SCRN1: variants seen among roughly 807,000 people sequenced by gnomAD.
SCRN1 encodes the protein secernin-1.
In SCRN1, 19 loss-of-function variants were observed where a neutral mutation model predicts 43.3. The ratio of observed to expected loss-of-function variants is 0.44; its 90% CI spans 0.31 to 0.64. The LOEUF (loss-of-function observed/expected upper bound fraction) is 0.64. SCRN1 is among the 30% of genes least tolerant of loss of function. The pLI, the probability that SCRN1 is intolerant of heterozygous loss-of-function variation, is 0.09. For synonymous variants in SCRN1, 183 were observed against 188.9 expected (o/e 0.97, Z 0.26); for missense variants, 447 against 524.1 (o/e 0.85, Z 1.44).
intron 3 of SCRN1, among the ~76,000 whole-genome samples, chr7:29,949,415 G>A (rs1362705002): frequency 4.8e-5 from 6 of 126,114 alleles, no homozygotes; most frequent in African/African-American, 1.8e-4. Context: ...ATCTCGTTCT[G>A]TGACCCAGGC....
At chr7:29,962,037 G>GT (rs759281239) in intron 2 of SCRN1, among the ~76,000 whole-genome samples, 41 of 151,822 alleles carry the variant, frequency 2.7e-4, no homozygotes, top group Non-Finnish European at 4.1e-4. Flanking sequence ...TTTTTCCATG[G>GT]TTTTTGCATG....
chr7:29,967,960 G>A (rs942209821), intron 2 of SCRN1, among the ~76,000 whole-genome samples: 4 of 151,942 alleles, frequency 2.6e-5, no homozygotes, highest in African/African-American at 7.3e-5. Flanking sequence ...AATGCAAAAC[G>A]GTACACCACC....
In SCRN1 at chr7:29,981,914, G is replaced by A. The variant is rs77564250; in HGVS notation, c.-2+7728C>T. On this transcript the variant is annotated intron_variant, in intron 1 of 7. Coordinates refer to ENST00000242059, the MANE Select transcript of SCRN1 (RefSeq NM_014766.5). ...ACATTCCATAGAAGGCTCAGATTGT[G>A]GGTAGGTATGGGAGTGAGGGTAGAA... Among the ~76,000 whole-genome samples, 6 of 152,298 alleles carry A rather than the reference G, an allele frequency of 3.9e-5. 1 individual carries two copies. The East Asian group carries it at 1.2e-3, about 29-fold the overall frequency.
At chr7:29,988,164 T>G (rs1227379294) in intron 1 of SCRN1, among the ~76,000 whole-genome samples, 1 of 152,180 alleles carries the variant, frequency 6.6e-6, no homozygotes. Flanking sequence ...AAGAACCTGG[T>G]ATTTGTTATG....
chr7:29,967,390 A>C (rs1219868106), intron 2 of SCRN1, among the ~76,000 whole-genome samples: 1 of 139,848 alleles, frequency 7.2e-6, no homozygotes, highest in Non-Finnish European at 1.6e-5. Flanking sequence ...ATTCATGTAT[A>C]CTTTTTTTTT....
upstream of SCRN1, chr7:29,990,212 C>A (rs1169995987): frequency 6.4e-7 from 1 of 1,551,656 alleles, no homozygotes; most frequent in South Asian, 1.2e-5. Flanking sequence ...AGTCGAGTCC[C>A]TGGTTTTAAA....
chr7:29,981,683 A>G (rs1788996217), intron 1 of SCRN1, among the ~76,000 whole-genome samples: 1 of 152,182 alleles, frequency 6.6e-6, no homozygotes. Flanking sequence ...GCCCCATACA[A>G]GATTGGGTGA....
chr7:29,938,107 C>G (rs922525654), intron 5 of SCRN1, among the ~76,000 whole-genome samples: 1 of 152,116 alleles, frequency 6.6e-6, no homozygotes, highest in African/African-American at 2.4e-5. Flanking sequence ...TGGCTCACTG[C>G]ATCCTCCGCC....
intron 3 of SCRN1, among the ~76,000 whole-genome samples, chr7:29,944,662 CAAAAAAAA>C (rs397729276): frequency 1.3e-5 from 1 of 77,784 alleles, no homozygotes; most frequent in Non-Finnish European, 2.5e-5. Context: ...GACCCTGTCT[CAAAAAAAA>C]AAAAAAAAAA....
chr7:29,922,880 G>T lies in SCRN1; in HGVS notation c.*1077C>A, dbSNP rs370234522. 23 of 152,352 alleles carry T rather than the reference G, an allele frequency of 1.5e-4. 1 individual carries two copies. The highest frequency in any genetic ancestry group is 5.5e-4 in the African/African-American group (23 of 41,574). The allele number at this position is 152,352 out of a possible 1,614,324, so 9.4% of individuals were successfully genotyped here. ...TCCTTGCATGCTTTTCTATGCTCTG[G>T]TGGTAAGTCAAATCCTTTAAGTGAA... On this transcript the variant is annotated 3_prime_UTR_variant, in exon 8 of 8. Coordinates refer to ENST00000242059, the MANE Select transcript of SCRN1 (RefSeq NM_014766.5).
intron 3 of SCRN1, among the ~76,000 whole-genome samples, chr7:29,954,976 C>G (rs1217934497): frequency 6.6e-6 from 1 of 152,182 alleles, no homozygotes; most frequent in Admixed American, 6.5e-5. Flanking sequence ...CCACCATGCC[C>G]AGCCACTTGA....
At chr7:29,972,952 A>T (rs1788709799) in intron 1 of SCRN1, among the ~76,000 whole-genome samples, 1 of 152,224 alleles carries the variant, frequency 6.6e-6, no homozygotes, top group African/African-American at 2.4e-5. Context: ...TAGAAACTCC[A>T]TTGGACGGGA....
intron 4 of SCRN1, among the ~76,000 whole-genome samples, chr7:29,943,705 T>C (rs1787632747): frequency 2.0e-5 from 3 of 152,192 alleles, no homozygotes; most frequent in East Asian, 1.9e-4. Context: ...GTTTAAGTCA[T>C]GGAATTCCTG....
At chr7:29,932,626 T>A (rs1316175798) in intron 6 of SCRN1, among the ~76,000 whole-genome samples, 1 of 113,544 alleles carries the variant, frequency 8.8e-6, no homozygotes, top group Non-Finnish European at 1.6e-5. Context: ...CACTCCAGCC[T>A]AGGTAACAGA....
chr7:29,923,970 T>C lies in SCRN1; in HGVS notation c.1232A>G (p.Lys411Arg). 6.2e-7 allele frequency: 1 copy of C among 1,612,128 alleles called. No homozygotes were observed. The highest frequency in any genetic ancestry group is 8.5e-7 in the Non-Finnish European group (1 of 1,179,334). ...LFYDCVDTEI[K>R]FFK The stretch of plus-strand genomic sequence containing the variant: ...GGAACGCTTACTTCACTTAAAGAAC[T>C]TAATCTCCGTGTCAACACAGTCATA... Residue 411 changes from lysine (K) to arginine (R), a missense_variant, in exon 8 of 8, where the codon AAG (lysine) becomes AGG (arginine). Lys to Arg is a conservative substitution (Grantham distance 26). Transcript: ENST00000242059.
Position 29,968,681 on chromosome 7 carries a change from T to C in SCRN1, c.159+228A>G, listed in dbSNP as rs554088187. ...TTTTAGATTTGATTTCAGAACTATG[T>C]ACATATTTCACTTAATTATAAAACA... On this transcript the variant is annotated intron_variant, in intron 2 of 7. Transcript: ENST00000242059. Among the ~76,000 whole-genome samples, 203 of 152,312 alleles carry C rather than the reference T, an allele frequency of 1.3e-3. 1 individual carries two copies. Among genetic ancestry groups the C allele is most frequent in the African/African-American group, 4.7e-3 (195 of 41,566 alleles).
At chr7:29,929,114 C>A (rs1245878593) in intron 6 of SCRN1, among the ~76,000 whole-genome samples, 1 of 152,248 alleles carries the variant, frequency 6.6e-6, no homozygotes, top group Non-Finnish European at 1.5e-5. Context: ...CCTGGGAAGT[C>A]AGCGCATGTC....
chr7:29,986,293 C>A (rs1562826469), intron 1 of SCRN1, among the ~76,000 whole-genome samples: 1 of 152,142 alleles, frequency 6.6e-6, no homozygotes, highest in Non-Finnish European at 1.5e-5. Flanking sequence ...CTAGTAGCCA[C>A]ATTTTTAAAA....
intron 6 of SCRN1, among the ~76,000 whole-genome samples, chr7:29,933,095 G>C (rs1246676934): frequency 6.6e-6 from 1 of 151,984 alleles, no homozygotes; most frequent in East Asian, 1.9e-4. Context: ...GGCCAGGCTG[G>C]TCTGGAACTC....
Sources: gnomAD v4.1 joint callset for allele counts (sites outside exome capture counted in the v4.1 genomes callset) on GRCh38, gnomAD v4.1.1 for gene constraint, MANE v1.5 for transcripts, NCBI Gene and HGNC (gene_info 2026-07-23, HGNC 2026-07-21) for gene names.